NRDC: variants seen among roughly 807,000 people sequenced by gnomAD.
NRDC encodes the protein nardilysin.
NRDC carries 54 observed loss-of-function variants against 147.1 expected under a neutral mutation model. The observed-to-expected ratio is 0.37, with a 90% CI of 0.29 to 0.46. NRDC has a LOEUF of 0.46. NRDC is among the 20% of genes least tolerant of loss of function. The pLI is 1.00. For synonymous variants in NRDC, 440 were observed against 482.1 expected (o/e 0.91, Z 1.14); for missense variants, 1,082 against 1,370.6 (o/e 0.79, Z 3.33).
intron 2 of NRDC, 76 bp downstream of exon 2, chr1:51,840,150 C>A (rs1170008554): frequency 4.1e-5 from 48 of 1,165,256 alleles, no homozygotes; most frequent in Non-Finnish European, 5.8e-5. Flanking sequence ...TCCTTTTTGC[C>A]ATTAAAAAAT....
At chr1:51,827,746 T>C (rs780315378) in intron 5 of NRDC, 50 bp downstream of exon 5, 2 of 1,384,618 alleles carry the variant, frequency 1.4e-6, no homozygotes, top group Non-Finnish European at 1.0e-6. Context: ...AATAAGTAAC[T>C]GGTTTCATGA....
At chr1:51,790,344 C>A (rs1003319612) in intron 29 of NRDC, among the ~76,000 whole-genome samples, 189 bp downstream of exon 29, 6 of 152,054 alleles carry the variant, frequency 3.9e-5, no homozygotes, top group Non-Finnish European at 8.8e-5. Context: ...GGATTAGCAC[C>A]CAGCTCACGT....
intron 13 of NRDC, 60 bp downstream of exon 13, chr1:51,814,491 C>A: frequency 6.6e-7 from 1 of 1,524,940 alleles, no homozygotes; most frequent in South Asian, 1.2e-5. Context: ...CTACCGGCAG[C>A]CTGAAGCCTC....
chr1:51,851,180 C>T (rs1309618270), intron 1 of NRDC, among the ~76,000 whole-genome samples: 1 of 152,058 alleles, frequency 6.6e-6, no homozygotes, highest in South Asian at 2.1e-4. Flanking sequence ...GAGAAGATGT[C>T]TTTTGGTAAG....
chr1:51,852,116 T>C (rs1243929767), intron 1 of NRDC, among the ~76,000 whole-genome samples: 1 of 152,154 alleles, frequency 6.6e-6, no homozygotes, highest in Non-Finnish European at 1.5e-5. Flanking sequence ...AACAGAAATG[T>C]GGTCTGTACT....
chr1:51,856,665 G>A (rs1051446807), intron 1 of NRDC, among the ~76,000 whole-genome samples: 1 of 152,130 alleles, frequency 6.6e-6, no homozygotes, highest in East Asian at 1.9e-4. Context: ...CCATCCTGAA[G>A]CTTCTGGAAC....
intron 11 of NRDC, 31 bp downstream of exon 11, chr1:51,816,281 T>C (rs1470568759): frequency 2.1e-6 from 3 of 1,400,146 alleles, no homozygotes; most frequent in South Asian, 1.3e-5. Context: ...GAGATTGCTA[T>C]ACTGAAAATA....
chr1:51,824,938 C>T (rs1252430095), intron 6 of NRDC, among the ~76,000 whole-genome samples: 1 of 152,218 alleles, frequency 6.6e-6, no homozygotes, highest in Non-Finnish European at 1.5e-5. Flanking sequence ...CAGGTGTGAA[C>T]CACCACGCCT....
chr1:51,878,205 G>T, intron 1 of NRDC, 70 bp downstream of exon 1: 1 of 1,511,022 alleles, frequency 6.6e-7, no homozygotes, highest in Middle Eastern at 2.0e-4. Context: ...ATGGAGACAA[G>T]AAGTGACGGC....
In NRDC at chr1:51,878,493, A is replaced by G; in HGVS notation, c.123T>C (p.Ala41=). 6.2e-7 allele frequency: 1 copy of G among 1,613,998 alleles called. No individual in the cohort carries two copies. The highest frequency in any genetic ancestry group is 1.1e-5 in the South Asian group (1 of 91,084). The part of the protein sequence containing the change: ...ETRGRCEDSA[A]ARPFPILAMP... ...TGGCCAGAATAGGAAAGGGTCTGGC[A>G]GCAGCAGAGTCTTCGCACCGACCCC... is the stretch of plus-strand genomic sequence containing the variant. The change falls in exon 1 of 31, where the codon GCT becomes GCC. Residue 41 remains alanine (A), a synonymous_variant. Coordinates refer to ENST00000352171, the MANE Select transcript of NRDC (RefSeq NM_001101662.2).
chr1:51,844,458 G>C (rs533923481), intron 1 of NRDC, among the ~76,000 whole-genome samples: 1 of 152,000 alleles, frequency 6.6e-6, no homozygotes, highest in South Asian at 2.1e-4. Context: ...AGATACCAAG[G>C]AGAAGGCCAA....
At chr1:51,794,764 C>A in intron 23 of NRDC, 59 bp downstream of exon 23, 1 of 1,602,158 alleles carries the variant, frequency 6.2e-7, no homozygotes, top group Non-Finnish European at 8.5e-7. Flanking sequence ...TGAATTGTGG[C>A]TCCATGCCCT....
chr1:51,837,372 C>G (rs951362992), intron 2 of NRDC: 2 of 1,034,652 alleles, frequency 1.9e-6, no homozygotes, highest in African/African-American at 3.2e-5. Context: ...TCACTTGATA[C>G]TATAAACCCC....
intron 29 of NRDC, 85 bp downstream of exon 29, chr1:51,790,448 A>C: frequency 1.2e-6 from 1 of 828,632 alleles, no homozygotes. Context: ...TCTTCCACAC[A>C]ATGCTGGTGT....
chr1:51,789,595 C>A lies in NRDC; in HGVS notation c.3231G>T (p.Gly1077=), dbSNP rs1280697021. The change falls in exon 30 of 31, where the codon GGG becomes GGT. Residue 1077 remains glycine, a synonymous_variant. Coordinates refer to ENST00000352171, the MANE Select transcript of NRDC (RefSeq NM_001101662.2). ...DLVNWFKAHR[G]PGSKMLSVHV... is the part of the protein sequence containing the mutation. ...GAACGCTGAGCATTTTACTTCCTGG[C>A]CCTCTATGGGCCTTGAACCAGTTGA... is the stretch of plus-strand genomic sequence containing the variant. 1 of 1,613,728 alleles carries A rather than the reference C, an allele frequency of 6.2e-7. No individual in the cohort carries two copies. The highest frequency in any genetic ancestry group is 1.7e-5 in the Admixed American group (1 of 59,996).
intron 14 of NRDC, among the ~76,000 whole-genome samples, chr1:51,812,393 C>A (rs571780791): frequency 1.4e-4 from 21 of 152,112 alleles, no homozygotes; most frequent in Admixed American, 4.6e-4. Context: ...CCAGGTGTGG[C>A]AGTACACGCC....
At chr1:51,792,133 C>T in intron 25 of NRDC, 35 bp from the exon 26 acceptor site, 2 of 1,612,790 alleles carry the variant, frequency 1.2e-6, no homozygotes, top group Non-Finnish European at 1.7e-6. Context: ...AGCCCAACTC[C>T]TCCCAGCAGA....
Position 51,789,294 on chromosome 1 carries a change from T to G in NRDC, c.3398A>C (p.Asp1133Ala). Reference protein sequence around the residue: ...LLADCIIPITDIRAFTTTLNL... With the variant: ...LLADCIIPITAIRAFTTTLNL... ...GAGTGTTGTTGTGAAAGCCCTGATA[T>G]CAGTAATGGGGATGATACAATCTGC... Residue 1133 changes from aspartate (D) to alanine (A), a missense_variant, in exon 31 of 31, where the codon GAT (aspartate) becomes GCT (alanine). Asp to Ala is a moderately radical substitution (Grantham distance 126). This residue lies in a region of NRDC where 187 missense variants were observed against 193.6 expected (regional missense o/e 0.97). Coordinates refer to ENST00000352171, the MANE Select transcript of NRDC (RefSeq NM_001101662.2). 3 of 1,614,122 alleles carry G rather than the reference T, an allele frequency of 1.9e-6. No individual in the cohort carries two copies. Among genetic ancestry groups the G allele is most frequent in the Non-Finnish European group, 2.5e-6 (3 of 1,180,010 alleles).
rs765424992 is a variant in NRDC, at chr1:51,789,646, C to G, written c.3180G>C (p.Leu1060=). 1 of 1,612,232 alleles carries G rather than the reference C, an allele frequency of 6.2e-7. No homozygotes were observed. Among genetic ancestry groups the G allele is most frequent in the Admixed American group, 1.7e-5 (1 of 60,012 alleles). ...FDRLAHEIEA[L]KSFSKSDLVN... is the part of the protein sequence containing the mutation. ...CCAGGTCTGATTTTGAGAATGACTTCAGTGCTTCAATCTTACAAGGGAAGG... is the reference window on the plus strand; with the variant it reads ...CCAGGTCTGATTTTGAGAATGACTTGAGTGCTTCAATCTTACAAGGGAAGG... The change falls in exon 30 of 31, where the codon CTG becomes CTC. Residue 1060 remains leucine (L), a synonymous_variant. Transcript: ENST00000352171.
Sources: allele counts gnomAD v4.1 joint callset (sites outside exome capture counted in the v4.1 genomes callset), GRCh38; gene constraint gnomAD v4.1.1; regional missense constraint gnomAD v4.1.1; transcripts MANE v1.5; gene names NCBI Gene and HGNC (gene_info 2026-07-23, HGNC 2026-07-21).